GREM1: variants seen among roughly 807,000 people sequenced by gnomAD.
GREM1 encodes gremlin-1.
Under a neutral mutation model 13.1 loss-of-function variants are expected in GREM1, and 6 were observed. The observed-to-expected ratio is 0.46, with a 90% confidence interval of 0.25 to 0.91. GREM1 has a LOEUF of 0.91. Ranked by LOEUF, GREM1 falls within the 40% of genes least tolerant of loss-of-function variation. GREM1 has a pLI of 0.18. For synonymous variants in GREM1, 98 were observed against 93.7 expected, an observed-to-expected ratio of 1.05 and a Z score of -0.27; for missense variants, 185 against 233.9, an observed-to-expected ratio of 0.79 and a Z score of 1.36.
rs1373973811 is a variant in GREM1, at chr15:32,718,118, C to T, written c.-45C>T. On this transcript the variant is annotated 5_prime_UTR_variant, in exon 1 of 2. Transcript: ENST00000651154. Reference sequence around the variant, plus strand: ...CTCTGGCCGCGGCCGCACTCAGCGCCACGCGTCGAAAGCGCAGGCCCCGAG... The same window carrying T: ...CTCTGGCCGCGGCCGCACTCAGCGCTACGCGTCGAAAGCGCAGGCCCCGAG... 4.7e-6 allele frequency: 6 copies of T among 1,277,486 alleles called. No individual in the cohort carries two copies. Among genetic ancestry groups the T allele is most frequent in the East Asian group, 7.2e-5 (2 of 27,674 alleles). The allele number at this position is 1,277,486 out of a possible 1,614,324, so 79.1% of individuals were successfully genotyped here. A position where few individuals can be genotyped will look rare whatever the true frequency, so the allele number is the denominator to read the frequency against.
In GREM1 at chr15:32,736,902, G is replaced by A. The variant is rs368528786; in HGVS notation, c.*5657G>A. Reference sequence around the variant, plus strand: ...TCATTTTCAGACCAGGTTAGGAGACGTGAGCTGCTCTCCACAAAAAGCCTC... The same window carrying A: ...TCATTTTCAGACCAGGTTAGGAGACATGAGCTGCTCTCCACAAAAAGCCTC... On this transcript the variant is annotated 3_prime_UTR_variant, in exon 2 of 2. Coordinates refer to ENST00000651154, the MANE Select transcript of GREM1 (RefSeq NM_013372.7). The A allele has an allele frequency of 9.2e-5, 14 of 152,116 alleles. No individual in the cohort carries two copies. Among genetic ancestry groups the A allele is most frequent in the Non-Finnish European group, 1.5e-4 (10 of 68,024 alleles). The allele number at this position is 152,116 out of a possible 1,614,324, so 9.4% of individuals were successfully genotyped here.
chr15:32,723,684 C>T (rs1387842430), intron 1 of GREM1, among the ~76,000 whole-genome samples: 3 of 149,608 alleles, frequency 2.0e-5, no homozygotes, highest in African/African-American at 4.9e-5. Flanking sequence ...AAGGTAGGCA[C>T]ACTCACATAG....
At position 32,731,567 on chromosome 15, in the gene GREM1, C is replaced by CT. The variant is rs759853829; in HGVS notation, c.*325dup. On this transcript the variant is annotated 3_prime_UTR_variant, in exon 2 of 2. Coordinates refer to ENST00000651154, the MANE Select transcript of GREM1 (RefSeq NM_013372.7). ...GGGCGGGGCCGTGGTCTGGTTCTGA[C>CT]TTTGTGTTTTTGTGCCCTCCTGGGG... The CT allele has an allele frequency of 8.4e-5, 32 of 381,758 alleles. No individual in the cohort carries two copies. In the Middle Eastern group the frequency reaches 2.8e-3, roughly 33 times the overall value. 23.6% of individuals were successfully genotyped at this position (381,758 alleles called of 1,614,324 possible).
Position 32,744,788 on chromosome 15 carries a change from C to T in GREM1, c.*13543C>T, listed in dbSNP as rs1209280616. ...GGACCTTAGCATATAGCAGAGATAA[C>T]TTATCTTCCAGCAGATCCGGAGCTC... On this transcript the variant is annotated 3_prime_UTR_variant, in exon 2 of 2. Transcript: ENST00000651154. 6.6e-6 allele frequency: 1 copy of T among 151,896 alleles called. No individual in the cohort carries two copies. Among genetic ancestry groups the T allele is most frequent in the African/African-American group, 2.4e-5 (1 of 41,364 alleles). The allele number at this position is 151,896 out of a possible 1,614,324, so 9.4% of individuals were successfully genotyped here.
At position 32,724,444 on chromosome 15, in the gene GREM1, C is replaced by A. The variant is rs114815679; in HGVS notation, c.-1-6246C>A. Reference sequence around the variant, plus strand: ...TGTACTCCTCCTCTGAAATGGGGAGCAACTGAATTGTGTTTTATTTTAGAT... The same window carrying A: ...TGTACTCCTCCTCTGAAATGGGGAGAAACTGAATTGTGTTTTATTTTAGAT... On this transcript the variant is annotated intron_variant, in intron 1 of 1. Transcript: ENST00000651154. Among the ~76,000 whole-genome samples, 680 of 152,292 alleles carry A rather than the reference C, an allele frequency of 4.5e-3. 3 individuals are homozygous for A. Among genetic ancestry groups the A allele is most frequent in the African/African-American group, 0.015 (630 of 41,560 alleles).
At position 32,731,288 on chromosome 15, in the gene GREM1, C is replaced by CTAGGACATGCTGGGTGCACCTGGATTTT; in HGVS notation, c.*43_*44insTAGGACATGCTGGGTGCACCTGGATTTT. 1 of 1,461,652 alleles carries CTAGGACATGCTGGGTGCACCTGGATTTT rather than the reference C, an allele frequency of 6.8e-7. No homozygotes were observed. The highest frequency in any genetic ancestry group is 9.5e-7 in the Non-Finnish European group (1 of 1,055,986). The allele number at this position is 1,461,652 out of a possible 1,614,324, so 90.5% of individuals were successfully genotyped here. ...CCAGCATGTCCTAGGAATGCAGCCC[C>CTAGGACATGCTGGGTGCACCTGGATTTT]AGGAAGTCCCAGACCTAAAACAACC... On this transcript the variant is annotated 3_prime_UTR_variant, in exon 2 of 2. Transcript: ENST00000651154.
intron 1 of GREM1, among the ~76,000 whole-genome samples, chr15:32,720,897 C>T (rs1037841568): frequency 2.6e-5 from 4 of 152,126 alleles, no homozygotes; most frequent in Admixed American, 6.5e-5. Flanking sequence ...TGGCTCACAC[C>T]GGTAATCCCA....
At position 32,734,068 on chromosome 15, in the gene GREM1, T is replaced by C. The variant is rs1052343766; in HGVS notation, c.*2823T>C. The C allele has an allele frequency of 7.0e-5, 17 of 243,166 alleles. No homozygotes were observed. Among genetic ancestry groups the C allele is most frequent in the African/African-American group, 3.3e-4 (15 of 45,152 alleles). 15.1% of individuals were successfully genotyped at this position (243,166 alleles called of 1,614,324 possible). On this transcript the variant is annotated 3_prime_UTR_variant, in exon 2 of 2. Transcript: ENST00000651154. ...TTTTTCTCCTTTATATGACTTTCTC[T>C]GAGTTGGGCAAAGAAGAAGCTGACA...
At position 32,738,099 on chromosome 15, in the gene GREM1, A is replaced by AAAAAAAACAACAAC. The variant is rs2055722757; in HGVS notation, c.*6861_*6862insCAACAACAAAAAAA. On this transcript the variant is annotated 3_prime_UTR_variant, in exon 2 of 2. Coordinates refer to ENST00000651154, the MANE Select transcript of GREM1 (RefSeq NM_013372.7). ...GTAATTAGGCAAAAAAAAAAAAAAA[A>AAAAAAAACAACAAC]AAAAAAAAAAAAAAAAAAAAAAAAA... The AAAAAAAACAACAAC allele has an allele frequency of 1.3e-5, 1 of 79,666 alleles. No homozygotes were observed. The highest frequency in any genetic ancestry group is 2.5e-5 in the Non-Finnish European group (1 of 39,500). The allele number at this position is 79,666 out of a possible 1,614,324, so 4.9% of individuals were successfully genotyped here. A position where few individuals can be genotyped will look rare whatever the true frequency, so the allele number is the denominator to read the frequency against.
chr15:32,742,387 A>C lies in GREM1; in HGVS notation c.*11142A>C, dbSNP rs1480965016. ...GTCTGTCCAGTCTTTGTATTTCTTC[A>C]TGATTTAGTCATCATGTATTCATGG... is the stretch of plus-strand genomic sequence containing the variant. On this transcript the variant is annotated 3_prime_UTR_variant, in exon 2 of 2. Coordinates refer to ENST00000651154, the MANE Select transcript of GREM1 (RefSeq NM_013372.7). 1 of 152,086 alleles carries C rather than the reference A, an allele frequency of 6.6e-6. No individual in the cohort carries two copies. Among genetic ancestry groups the C allele is most frequent in the Non-Finnish European group, 1.5e-5 (1 of 67,996 alleles). The allele number at this position is 152,086 out of a possible 1,614,324, so 9.4% of individuals were successfully genotyped here.
At chr15:32,718,546 T>G in intron 1 of GREM1, 1 of 445,178 alleles carries the variant, frequency 2.2e-6, no homozygotes, top group Non-Finnish European at 4.5e-6. Context: ...CATCCGGACC[T>G]GCTAGTCGGC....
rs2055621437 is a variant in GREM1, at chr15:32,731,644, C to G, written c.*399C>G. On this transcript the variant is annotated 3_prime_UTR_variant, in exon 2 of 2. Coordinates refer to ENST00000651154, the MANE Select transcript of GREM1 (RefSeq NM_013372.7). ...TTCATGGAAGAGGCTCCTCTGAGGG[C>G]AAGAGACCTGTTTTAGTGCTGCATT... 3.4e-6 allele frequency: 1 copy of G among 296,400 alleles called. No individual in the cohort carries two copies. The highest frequency in any genetic ancestry group is 2.2e-5 in the African/African-American group (1 of 46,464). The allele number at this position is 296,400 out of a possible 1,614,324, so 18.4% of individuals were successfully genotyped here. A position where few individuals can be genotyped will look rare whatever the true frequency, so the allele number is the denominator to read the frequency against.
chr15:32,743,378 A>T lies in GREM1; in HGVS notation c.*12133A>T, dbSNP rs1318662828. On this transcript the variant is annotated 3_prime_UTR_variant, in exon 2 of 2. Coordinates refer to ENST00000651154, the MANE Select transcript of GREM1 (RefSeq NM_013372.7). ...AGAAAATCAGAGCTGTAAAGGGAAG[A>T]GGATATCCTGATGAATTTTTTTCTT... 2 of 152,214 alleles carry T rather than the reference A, an allele frequency of 1.3e-5. No homozygotes were observed. The highest frequency in any genetic ancestry group is 2.9e-5 in the Non-Finnish European group (2 of 68,034). The allele number at this position is 152,214 out of a possible 1,614,324, so 9.4% of individuals were successfully genotyped here.
At position 32,732,679 on chromosome 15, in the gene GREM1, G is replaced by A. The variant is rs958037386; in HGVS notation, c.*1434G>A. 4.2e-6 allele frequency: 1 copy of A among 240,608 alleles called. No homozygotes were observed. Among genetic ancestry groups the A allele is most frequent in the African/African-American group, 2.2e-5 (1 of 44,900 alleles). The allele number at this position is 240,608 out of a possible 1,614,324, so 14.9% of individuals were successfully genotyped here. On this transcript the variant is annotated 3_prime_UTR_variant, in exon 2 of 2. Coordinates refer to ENST00000651154, the MANE Select transcript of GREM1 (RefSeq NM_013372.7). The stretch of plus-strand genomic sequence containing the variant: ...GCTGTTCATCTGCTACTGGTTGGAT[G>A]GACATAACTATTGTAACTATTCAGT...
chr15:32,742,873 A>G lies in GREM1; in HGVS notation c.*11628A>G, dbSNP rs1437207145. Reference sequence around the variant, plus strand: ...ATCTTATACCAAAAATCAACTCAAAATGGATTATTTAAATGTAAGACTTGA... The same window carrying G: ...ATCTTATACCAAAAATCAACTCAAAGTGGATTATTTAAATGTAAGACTTGA... On this transcript the variant is annotated 3_prime_UTR_variant, in exon 2 of 2. Coordinates refer to ENST00000651154, the MANE Select transcript of GREM1 (RefSeq NM_013372.7). The G allele has an allele frequency of 5.3e-5, 8 of 152,334 alleles. No individual in the cohort carries two copies. The highest frequency in any genetic ancestry group is 1.9e-4 in the African/African-American group (8 of 41,580). The allele number at this position is 152,334 out of a possible 1,614,324, so 9.4% of individuals were successfully genotyped here.
chr15:32,730,895 C>G lies in GREM1; in HGVS notation c.205C>G (p.Pro69Ala). The change falls in exon 2 of 2, where the codon CCC becomes GCC. Residue 69 changes from proline to alanine, a missense_variant. Pro to Ala is a conservative substitution (Grantham distance 27). Coordinates refer to ENST00000651154, the MANE Select transcript of GREM1 (RefSeq NM_013372.7). ...GRGQGRGTAMPGEEVLESSQE... is the reference protein window; with the variant it reads ...GRGQGRGTAMAGEEVLESSQE... Reference sequence around the variant, plus strand: ...GGGCCAAGGGCGGGGCACTGCCATGCCCGGGGAGGAGGTGCTGGAGTCCAG... The same window carrying G: ...GGGCCAAGGGCGGGGCACTGCCATGGCCGGGGAGGAGGTGCTGGAGTCCAG... 6.2e-7 allele frequency: 1 copy of G among 1,613,524 alleles called. No individual in the cohort carries two copies. Among genetic ancestry groups the G allele is most frequent in the Admixed American group, 1.7e-5 (1 of 60,010 alleles).
chr15:32,731,376 C>T lies in GREM1; in HGVS notation c.*131C>T, dbSNP rs749149648. 8.7e-6 allele frequency: 6 copies of T among 692,232 alleles called. No individual in the cohort carries two copies. Among genetic ancestry groups the T allele is most frequent in the Non-Finnish European group, 1.5e-5 (6 of 404,398 alleles). 42.9% of individuals were successfully genotyped at this position (692,232 alleles called of 1,614,324 possible). On this transcript the variant is annotated 3_prime_UTR_variant, in exon 2 of 2. Transcript: ENST00000651154. ...CCCCCAGCTGCCTCCTGGCAGGAGC[C>T]TGCTTGTGCGTAGTTCGTGTGCATG...
rs568894130 is a variant in GREM1 at position 32,742,516 on chromosome 15, T to A, written c.*11271T>A. The A allele has an allele frequency of 5.3e-5, 8 of 152,204 alleles. No homozygotes were observed. In the South Asian group the frequency reaches 1.2e-3, roughly 24 times the overall value. The allele number at this position is 152,204 out of a possible 1,614,324, so 9.4% of individuals were successfully genotyped here. ...CCAGTGGCATTTTTATTTACAGAAA[T>A]AGAATAATTCTAAAATTCATCTGAA... is the stretch of plus-strand genomic sequence containing the variant. On this transcript the variant is annotated 3_prime_UTR_variant, in exon 2 of 2. Coordinates refer to ENST00000651154, the MANE Select transcript of GREM1 (RefSeq NM_013372.7).
chr15:32,719,737 G>A (rs1020087283), intron 1 of GREM1, among the ~76,000 whole-genome samples: 15 of 152,196 alleles, frequency 9.9e-5, no homozygotes, highest in African/African-American at 3.4e-4. Flanking sequence ...GGACCCCAGA[G>A]TAGTGGCTTC....
Sources: allele counts gnomAD v4.1 joint callset (sites outside exome capture counted in the v4.1 genomes callset), GRCh38; gene constraint gnomAD v4.1.1; transcripts MANE v1.5; gene names NCBI Gene and HGNC (gene_info 2026-07-23, HGNC 2026-07-21).